LRP1B: variants seen among roughly 807,000 people sequenced by gnomAD.
The protein encoded by LRP1B is LDL receptor related protein 1B, also known as low-density lipoprotein receptor-related protein 1B.
In LRP1B, 217 loss-of-function variants were observed where a neutral mutation model predicts 556.6. The ratio of observed to expected loss-of-function variants is 0.39; its 90% confidence interval spans 0.35 to 0.44. The LOEUF is 0.44. LRP1B is among the 20% of genes least tolerant of loss of function. The probability of loss-of-function intolerance (pLI) is 1.00; values close to 1 mark genes in which losing one functional copy is unlikely to be tolerated. For synonymous variants in LRP1B, 2,047 were observed against 1,865.8 expected (o/e 1.10, Z -2.50); for missense variants, 5,053 against 5,620.8 (o/e 0.90, Z 3.23).
intron 7 of LRP1B, among the ~76,000 whole-genome samples, chr2:141,119,338 C>T (rs1314056076): frequency 6.6e-6 from 1 of 151,806 alleles, no homozygotes; most frequent in Non-Finnish European, 1.5e-5. Flanking sequence ...TAACATTTTC[C>T]CTCTACAGAC....
chr2:140,869,663 T>C (rs1044495562), intron 25 of LRP1B, among the ~76,000 whole-genome samples: 2 of 152,056 alleles, frequency 1.3e-5, no homozygotes, highest in South Asian at 4.1e-4. Context: ...AATTTGAAGG[T>C]AGAATTGTCA....
At chr2:140,779,404 G>A (rs1474672255) in intron 32 of LRP1B, among the ~76,000 whole-genome samples, 1 of 152,012 alleles carries the variant, frequency 6.6e-6, no homozygotes, top group Non-Finnish European at 1.5e-5. Flanking sequence ...TGAATTAAGT[G>A]TAAGAAGTGT....
chr2:140,544,520 A>T (rs1224524413), intron 43 of LRP1B, among the ~76,000 whole-genome samples: 1 of 151,992 alleles, frequency 6.6e-6, no homozygotes, highest in East Asian at 1.9e-4. Flanking sequence ...TCTCCTCTAT[A>T]TGTCCACGTG....
At position 141,188,667 on chromosome 2, in the gene LRP1B, A is replaced by G. The variant is rs971212486; in HGVS notation, c.851-84T>C. 2.5e-6 allele frequency: 3 copies of G among 1,191,622 alleles called. No homozygotes were observed. In the African/African-American group the frequency reaches 4.6e-5, roughly 18 times the overall value. The allele number at this position is 1,191,622 out of a possible 1,614,324, so 73.8% of individuals were successfully genotyped here. A position where few individuals can be genotyped will look rare whatever the true frequency, so the allele number is the denominator to read the frequency against. On this transcript the variant is annotated intron_variant, in intron 6 of 90. Transcript: ENST00000389484. ...AAAATAACATAAGTGTTTCCAAACC[A>G]TCATAGAGGACATTTCAAAAGTATA...
intron 83 of LRP1B, among the ~76,000 whole-genome samples, chr2:140,303,907 G>C (rs1281139942): frequency 6.6e-6 from 1 of 151,988 alleles, no homozygotes; most frequent in Non-Finnish European, 1.5e-5. Context: ...AGAACGTGTG[G>C]TGTTTGGTTT....
At chr2:140,853,898 G>A (rs1224844963) in intron 27 of LRP1B, among the ~76,000 whole-genome samples, 1 of 151,844 alleles carries the variant, frequency 6.6e-6, no homozygotes, top group Admixed American at 6.6e-5. Flanking sequence ...CTAAGGAATC[G>A]CAAGTTAGAG....
intron 41 of LRP1B, among the ~76,000 whole-genome samples, chr2:140,607,450 A>G (rs1396067577): frequency 2.0e-5 from 3 of 152,220 alleles, no homozygotes; most frequent in East Asian, 3.9e-4. Flanking sequence ...GTACCTCCAC[A>G]CATACACAAA....
chr2:140,607,461 T>C (rs543330461), intron 41 of LRP1B, among the ~76,000 whole-genome samples: 3 of 152,072 alleles, frequency 2.0e-5, no homozygotes, highest in South Asian at 4.1e-4. Context: ...CATACACAAA[T>C]GTTCAACAAA....
chr2:140,856,301 G>A (rs1035565173), intron 27 of LRP1B, among the ~76,000 whole-genome samples: 2 of 151,992 alleles, frequency 1.3e-5, no homozygotes, highest in Non-Finnish European at 2.9e-5. Context: ...TCATCTTTCT[G>A]CCGTAAAACA....
intron 7 of LRP1B, among the ~76,000 whole-genome samples, chr2:141,187,669 C>T (rs1203256084): frequency 6.6e-6 from 1 of 151,946 alleles, no homozygotes; most frequent in African/African-American, 2.4e-5. Flanking sequence ...AAAATAAAAG[C>T]ATAATTCCTG....
chr2:141,925,110 T>C (rs1295899067), intron 1 of LRP1B, among the ~76,000 whole-genome samples: 1 of 152,154 alleles, frequency 6.6e-6, no homozygotes, highest in East Asian at 1.9e-4. Context: ...GATTAACAAA[T>C]CAAGGTTATT....
intron 31 of LRP1B, among the ~76,000 whole-genome samples, chr2:140,825,180 G>A (rs2105062341): frequency 6.6e-6 from 1 of 152,282 alleles, no homozygotes; most frequent in South Asian, 2.1e-4. Context: ...TGGCTTATTA[G>A]ATAGGAGTGA....
rs183557064 is a variant in LRP1B at position 141,683,709 on chromosome 2, T to G, written c.205+126570A>C. ...AAGGAACCAATACTTTATGATCTGT[T>G]AAATTATCAGCTTGTCTTGATTGTA... is the stretch of plus-strand genomic sequence containing the variant. On this transcript the variant is annotated intron_variant, in intron 2 of 90. Transcript: ENST00000389484. 9.2e-5 allele frequency among the ~76,000 whole-genome samples: 14 copies of G among 152,258 alleles called. No homozygotes were observed. The East Asian group carries it at 1.2e-3, about 13-fold the overall frequency.
At chr2:140,964,333 G>T (rs1430537295) in intron 18 of LRP1B, among the ~76,000 whole-genome samples, 1 of 152,108 alleles carries the variant, frequency 6.6e-6, no homozygotes, top group Non-Finnish European at 1.5e-5. Flanking sequence ...GGATAACTGC[G>T]GGCGAGCCTG....
chr2:141,652,400 T>C (rs1397956823), intron 2 of LRP1B, among the ~76,000 whole-genome samples: 2 of 152,200 alleles, frequency 1.3e-5, no homozygotes, highest in Non-Finnish European at 2.9e-5. Context: ...GATAATGTGA[T>C]TTATTAGAAC....
chr2:141,102,786 A>G (rs531761918), intron 7 of LRP1B, among the ~76,000 whole-genome samples: 1 of 152,226 alleles, frequency 6.6e-6, no homozygotes, highest in South Asian at 2.1e-4. Context: ...ATATACTTGA[A>G]CCATTTAAAT....
chr2:141,958,237 G>T (rs945496549), intron 1 of LRP1B, among the ~76,000 whole-genome samples: 3 of 152,042 alleles, frequency 2.0e-5, no homozygotes, highest in African/African-American at 7.2e-5. Context: ...TTGTTCAGAA[G>T]ACAGTCCTGG....
intron 1 of LRP1B, among the ~76,000 whole-genome samples, chr2:141,969,012 T>C (rs1490075244): frequency 6.6e-6 from 1 of 151,588 alleles, no homozygotes; most frequent in Non-Finnish European, 1.5e-5. Context: ...GCTACATACA[T>C]TCATGCATTC....
At chr2:141,813,750 C>G (rs952789043) in intron 1 of LRP1B, among the ~76,000 whole-genome samples, 1 of 152,076 alleles carries the variant, frequency 6.6e-6, no homozygotes, top group Admixed American at 6.5e-5. Context: ...AGCGTTACAG[C>G]TCTTTGCTTC....
Sources: gnomAD v4.1 joint callset for allele counts (sites outside exome capture counted in the v4.1 genomes callset) on GRCh38, gnomAD v4.1.1 for gene constraint, MANE v1.5 for transcripts, NCBI Gene and HGNC (gene_info 2026-07-23, HGNC 2026-07-21) for gene names.